The following GLRX3 variants were observed in gnomAD, a reference collection of about 807,000 sequenced individuals.
The protein encoded by GLRX3 is glutaredoxin 3, also known as glutaredoxin-3.
In GLRX3, 22 loss-of-function variants were observed where a neutral mutation model predicts 49.5. The ratio of observed to expected loss-of-function variants is 0.44; its 90% CI spans 0.32 to 0.63. The LOEUF is 0.63. Among genes scored for constraint, GLRX3 ranks in the 30% least tolerant of loss-of-function variants. GLRX3 has a pLI of 0.05. For synonymous variants in GLRX3, 133 were observed against 140.0 expected, an observed-to-expected ratio of 0.95 and a Z score of 0.35; for missense variants, 385 against 396.3, an observed-to-expected ratio of 0.97 and a Z score of 0.24.
rs1564984040 is a variant in GLRX3 at position 130,136,494 on chromosome 10, TGCTGCG to T, written c.75_80del (p.Arg27_Leu28del). 3 of 1,264,140 alleles carry T rather than the reference TGCTGCG, an allele frequency of 2.4e-6. No homozygotes were observed. The allele number at this position is 1,264,140 out of a possible 1,614,324, so 78.3% of individuals were successfully genotyped here. ...GGCTCAGCCGGGCAGTTTGAGGAGC[TGCTGCG>T]CCTCAAAGCCAAGTAAGCGGGGCGG... On this transcript the variant is annotated inframe_deletion, in exon 1 of 11. Transcript: ENST00000331244.
At position 130,172,875 on chromosome 10, in the gene GLRX3, G is replaced by A. The variant is rs181237185; in HGVS notation, c.824+1239G>A. ...GGAGAATCACTTGAGCCCAGGAGGT[G>A]GAGGTTTCAGTGAGCTGAAACCACG... On this transcript the variant is annotated intron_variant, in intron 8 of 10. Transcript: ENST00000331244. 4.6e-5 allele frequency among the ~76,000 whole-genome samples: 7 copies of A among 152,306 alleles called. No homozygotes were observed. In the South Asian group the frequency reaches 8.3e-4, roughly 18 times the overall value.
Position 130,171,572 on chromosome 10 carries a change from T to G in GLRX3, c.772-12T>G, listed in dbSNP as rs558460377. The G allele has an allele frequency of 3.8e-4, 550 of 1,466,608 alleles. 9 individuals carry two copies. In the South Asian group the frequency reaches 5.5e-3, roughly 15 times the overall value. The allele number at this position is 1,466,608 out of a possible 1,614,324, so 90.8% of individuals were successfully genotyped here. On this transcript the variant is annotated splice_polypyrimidine_tract_variant and intron_variant, in intron 7 of 10. Coordinates refer to ENST00000331244, the MANE Select transcript of GLRX3 (RefSeq NM_006541.5). ...CAAAAATTGTAATCTTTGCAAATTT[T>G]TTTTCATTTAGGAAGCAAAATGTGG...
chr10:130,143,353 C>A (rs562379728), intron 1 of GLRX3, among the ~76,000 whole-genome samples: 3 of 152,040 alleles, frequency 2.0e-5, no homozygotes, highest in South Asian at 4.1e-4. Flanking sequence ...TATTTCTGTT[C>A]GTGATTTTTC....
chr10:130,161,037 G>T (rs1235946904), intron 4 of GLRX3, 40 bp downstream of exon 4: 1 of 1,430,542 alleles, frequency 7.0e-7, no homozygotes, highest in Admixed American at 1.7e-5. Context: ...CAAAATGGGT[G>T]CTTTCCCAGA....
chr10:130,139,103 G>C (rs1862123934), intron 1 of GLRX3, among the ~76,000 whole-genome samples: 1 of 151,698 alleles, frequency 6.6e-6, no homozygotes. Context: ...TTAGGTGATG[G>C]GCCCGCTTCC....
intron 2 of GLRX3, among the ~76,000 whole-genome samples, chr10:130,151,339 G>T (rs954245928): frequency 6.6e-6 from 1 of 152,008 alleles, no homozygotes; most frequent in Non-Finnish European, 1.5e-5. Context: ...GCTAAGTTTG[G>T]TGAAAGTATT....
At chr10:130,138,671 C>A (rs1862113207) in intron 1 of GLRX3, among the ~76,000 whole-genome samples, 1 of 152,118 alleles carries the variant, frequency 6.6e-6, no homozygotes, top group Non-Finnish European at 1.5e-5. Context: ...CAGATCAGCA[C>A]AATCACAGGA....
chr10:130,156,294 C>T (rs1862469355), intron 2 of GLRX3, among the ~76,000 whole-genome samples: 2 of 152,282 alleles, frequency 1.3e-5, no homozygotes, highest in African/African-American at 4.8e-5. Flanking sequence ...GACTAGCCAG[C>T]CTCAAACCCT....
intron 1 of GLRX3, among the ~76,000 whole-genome samples, chr10:130,137,780 G>A (rs1483835951): frequency 6.6e-6 from 1 of 152,172 alleles, no homozygotes; most frequent in Non-Finnish European, 1.5e-5. Flanking sequence ...TGTCACCCAG[G>A]CTGCAGTGTA....
chr10:130,136,650 C>A, intron 1 of GLRX3, 138 bp downstream of exon 1: 1 of 1,084,294 alleles, frequency 9.2e-7, no homozygotes, highest in Non-Finnish European at 1.2e-6. Flanking sequence ...CCGGGCCCGG[C>A]GCCACCCGTA....
chr10:130,156,308 A>T (rs1251093705), intron 2 of GLRX3, among the ~76,000 whole-genome samples: 1 of 152,162 alleles, frequency 6.6e-6, no homozygotes, highest in Admixed American at 6.6e-5. Context: ...AAACCCTTTT[A>T]TAATGGCACT....
At position 130,169,429 on chromosome 10, in the gene GLRX3, T is replaced by A. The variant is rs17297984; in HGVS notation, c.714-4T>A. The A allele has an allele frequency of 0.37, 590,889 of 1,597,120 alleles. 113,528 individuals are homozygous for A. Among genetic ancestry groups the A allele is most frequent in the South Asian group, 0.43 (38,605 of 90,730 alleles). ...GCCGTTTTATATCAATTTTCTCTCT[T>A]TAGGCTCAAAGTGCTGACAAATAAA... On this transcript the variant is annotated splice_polypyrimidine_tract_variant and splice_region_variant and intron_variant, in intron 6 of 10. Transcript: ENST00000331244.
chr10:130,142,543 T>C (rs538786535), intron 1 of GLRX3, among the ~76,000 whole-genome samples: 4 of 152,284 alleles, frequency 2.6e-5, no homozygotes, highest in African/African-American at 9.6e-5. Flanking sequence ...AATAAACATA[T>C]AAGGATTTTC....
intron 5 of GLRX3, 80 bp downstream of exon 5, chr10:130,166,759 T>C (rs1862699205): frequency 4.5e-6 from 5 of 1,099,134 alleles, no homozygotes; most frequent in Non-Finnish European, 6.8e-6. Context: ...AAATCTAAGA[T>C]ACAAATTTCT....
At chr10:130,154,869 A>G (rs1377323260) in intron 2 of GLRX3, among the ~76,000 whole-genome samples, 1 of 152,244 alleles carries the variant, frequency 6.6e-6, no homozygotes, top group East Asian at 1.9e-4. Flanking sequence ...TTAGGTAGTA[A>G]TAAGTTCTGC....
chr10:130,174,885 C>A lies in GLRX3; in HGVS notation c.843C>A (p.Phe281Leu), dbSNP rs146055832. Residue 281 changes from phenylalanine (F) to leucine (L), a missense_variant, in exon 9 of 11, where the codon TTC becomes TTA. By Grantham distance (22) the Phe-to-Leu change is conservative. Transcript: ENST00000331244. ...TTTGCAGTGTTGAATATGAAACATTCGATATATTGGAGGATGAAGAAGTAA... is the reference window on the plus strand; with the variant it reads ...TTTGCAGTGTTGAATATGAAACATTAGATATATTGGAGGATGAAGAAGTAA... ...LNSTGVEYET[F>L]DILEDEEVRQ... 1 of 1,596,084 alleles carries A rather than the reference C, an allele frequency of 6.3e-7. No homozygotes were observed. Among genetic ancestry groups the A allele is most frequent in the East Asian group, 2.2e-5 (1 of 44,760 alleles).
intron 1 of GLRX3, among the ~76,000 whole-genome samples, chr10:130,141,985 T>C (rs1273718255): frequency 1.3e-5 from 2 of 152,198 alleles, no homozygotes; most frequent in Admixed American, 6.5e-5. Flanking sequence ...GTAATCTAGC[T>C]GAATGCACAG....
intron 2 of GLRX3, among the ~76,000 whole-genome samples, chr10:130,151,678 A>G (rs1407919876): frequency 6.6e-6 from 1 of 152,200 alleles, no homozygotes; most frequent in Non-Finnish European, 1.5e-5. Context: ...AGCTTCATCC[A>G]TGTCCCTGTA....
intron 2 of GLRX3, among the ~76,000 whole-genome samples, chr10:130,156,427 C>G (rs555060261): frequency 6.6e-6 from 1 of 152,164 alleles, no homozygotes; most frequent in South Asian, 2.1e-4. Flanking sequence ...TTAGGAGGGA[C>G]ATATACATTC....
Sources: allele counts gnomAD v4.1 joint callset (sites outside exome capture counted in the v4.1 genomes callset), GRCh38; gene constraint gnomAD v4.1.1; transcripts MANE v1.5; gene names NCBI Gene and HGNC (gene_info 2026-07-23, HGNC 2026-07-21).